CLCN3: variants seen among roughly 807,000 people sequenced by gnomAD.
CLCN3 encodes the protein H(+)/Cl(-) exchange transporter 3.
CLCN3 carries 16 observed loss-of-function variants against 83.4 expected under a neutral mutation model. The observed-to-expected ratio is 0.19, with a 90% CI of 0.13 to 0.29. CLCN3 has a LOEUF of 0.29. Ranked by LOEUF, CLCN3 falls within the 10% of genes least tolerant of loss-of-function variation. The probability of loss-of-function intolerance (pLI) is 1.00; values close to 1 mark genes in which losing one functional copy is unlikely to be tolerated. For synonymous variants in CLCN3, 322 were observed against 346.2 expected, an observed-to-expected ratio of 0.93 and a Z score of 0.78; for missense variants, 544 against 1,006.0, an observed-to-expected ratio of 0.54 and a Z score of 6.21.
chr4:169,627,602 A>T (rs1349703957), intron 1 of CLCN3, among the ~76,000 whole-genome samples: 1 of 152,118 alleles, frequency 6.6e-6, no homozygotes, highest in African/African-American at 2.4e-5. Context: ...GACTCCAAAA[A>T]CTAGCTTTGA....
chr4:169,702,393 A>G (rs939475921), intron 9 of CLCN3, among the ~76,000 whole-genome samples: 1 of 152,218 alleles, frequency 6.6e-6, no homozygotes, highest in Non-Finnish European at 1.5e-5. Flanking sequence ...CATCTCCATC[A>G]GAGCTCTTGG....
chr4:169,680,200 A>G lies in CLCN3; in HGVS notation c.311A>G (p.His104Arg), dbSNP rs1365436406. The G allele has an allele frequency of 8.7e-6, 14 of 1,611,130 alleles. No individual in the cohort carries two copies. The highest frequency in any genetic ancestry group is 1.0e-5 in the Non-Finnish European group (12 of 1,178,786). Residue 104 changes from histidine (H) to arginine (R), a missense_variant, in exon 3 of 13, where the codon CAT becomes CGT. His to Arg is a conservative substitution (Grantham distance 29, BLOSUM62 0). Coordinates refer to ENST00000513761, the MANE Select transcript of CLCN3 (RefSeq NM_001829.4). ...VREKCKDRERHRRINSKKKES... is the reference protein window; with the variant it reads ...VREKCKDRERRRRINSKKKES... ...GAAAAATGTAAAGACAGAGAAAGGC[A>G]TAGACGGGTAAGTGTTTTTAGTAAA...
chr4:169,674,984 C>G (rs1196107442), intron 2 of CLCN3, among the ~76,000 whole-genome samples: 1 of 152,180 alleles, frequency 6.6e-6, no homozygotes, highest in African/African-American at 2.4e-5. Context: ...TCAATCTATC[C>G]GTCCTCCTCA....
At chr4:169,706,333 A>C (rs1159681259) in intron 10 of CLCN3, among the ~76,000 whole-genome samples, 3 of 152,232 alleles carry the variant, frequency 2.0e-5, no homozygotes, top group African/African-American at 7.2e-5. Context: ...CCTGGCCCAA[A>C]TAGTTTTCTG....
At chr4:169,713,005 A>T (rs1006498475) in intron 11 of CLCN3, 74 bp from the exon 12 acceptor site, 19 of 1,059,682 alleles carry the variant, frequency 1.8e-5, no homozygotes, top group South Asian at 2.8e-5. Context: ...AATTTTTTTT[A>T]TCTCTGAATA....
intron 2 of CLCN3, among the ~76,000 whole-genome samples, chr4:169,653,911 C>T (rs867773746): frequency 2.6e-5 from 4 of 152,102 alleles, no homozygotes; most frequent in African/African-American, 9.7e-5. Context: ...AAGGGTCCAC[C>T]TCCATGAAAC....
intron 1 of CLCN3, among the ~76,000 whole-genome samples, chr4:169,621,582 A>C (rs1773114099): frequency 6.6e-6 from 1 of 152,198 alleles, no homozygotes; most frequent in Non-Finnish European, 1.5e-5. Flanking sequence ...CATATTAGAA[A>C]CTGAGATTTC....
intron 1 of CLCN3, among the ~76,000 whole-genome samples, chr4:169,634,364 T>C (rs1239103314): frequency 2.0e-5 from 3 of 152,230 alleles, no homozygotes; most frequent in Non-Finnish European, 4.4e-5. Flanking sequence ...AATCTTAGCA[T>C]ACATGCTTTG....
chr4:169,666,985 C>G (rs1274018822), intron 2 of CLCN3, among the ~76,000 whole-genome samples: 1 of 152,154 alleles, frequency 6.6e-6, no homozygotes, highest in Non-Finnish European at 1.5e-5. Flanking sequence ...TAACAGTGGC[C>G]TCTACATGGG....
intron 2 of CLCN3, among the ~76,000 whole-genome samples, chr4:169,658,232 A>G (rs11727266): frequency 6.8e-6 from 1 of 147,998 alleles, no homozygotes; most frequent in Non-Finnish European, 1.5e-5. Flanking sequence ...AAATATAATT[A>G]TATAGATATA....
chr4:169,688,933 T>G, intron 4 of CLCN3, 110 bp from the exon 5 acceptor site: 1 of 785,788 alleles, frequency 1.3e-6, no homozygotes, highest in East Asian at 2.7e-5. Flanking sequence ...AGTTCATAAA[T>G]GACCCTTTAT....
At chr4:169,664,067 A>C (rs1731161175) in intron 2 of CLCN3, among the ~76,000 whole-genome samples, 1 of 152,186 alleles carries the variant, frequency 6.6e-6, no homozygotes, top group African/African-American at 2.4e-5. Context: ...AAAATGAGTA[A>C]ATGCGATAAC....
chr4:169,666,854 C>T (rs1368540599), intron 2 of CLCN3, among the ~76,000 whole-genome samples: 8 of 152,130 alleles, frequency 5.3e-5, no homozygotes, highest in Non-Finnish European at 7.4e-5. Context: ...ATATCTGTCA[C>T]ATTGTGTTGT....
chr4:169,719,072 T>A (rs1733533840), intron 12 of CLCN3, among the ~76,000 whole-genome samples: 1 of 152,250 alleles, frequency 6.6e-6, no homozygotes, highest in South Asian at 2.1e-4. Context: ...GCTGACCATT[T>A]TATATGCATT....
At chr4:169,693,651 C>T (rs367666809) in intron 7 of CLCN3, among the ~76,000 whole-genome samples, 15 of 152,298 alleles carry the variant, frequency 9.8e-5, no homozygotes, top group Admixed American at 8.5e-4. Context: ...CATCCTGTAG[C>T]GTAGCAAGTT....
chr4:169,675,927 T>TGTCTCTTA (rs533797600), intron 2 of CLCN3, among the ~76,000 whole-genome samples: 3 of 152,224 alleles, frequency 2.0e-5, no homozygotes, highest in Non-Finnish European at 4.4e-5. Context: ...TTTTCATAGC[T>TGTCTCTTA]GTCTCTATGG....
intron 2 of CLCN3, among the ~76,000 whole-genome samples, chr4:169,640,803 T>C (rs879793228): frequency 6.6e-6 from 1 of 152,210 alleles, no homozygotes; most frequent in African/African-American, 2.4e-5. Context: ...CTATCTTCAC[T>C]TGAAGTAAGA....
At chr4:169,689,597 G>A (rs1732286853) in intron 5 of CLCN3, among the ~76,000 whole-genome samples, 2 of 152,152 alleles carry the variant, frequency 1.3e-5, no homozygotes, top group Non-Finnish European at 2.9e-5. Context: ...AAATAATTTA[G>A]TAAAATCAAC....
intron 2 of CLCN3, among the ~76,000 whole-genome samples, chr4:169,638,094 T>C (rs548402240): frequency 1.3e-5 from 2 of 152,318 alleles, no homozygotes; most frequent in Admixed American, 1.3e-4. Flanking sequence ...TCTATTTGTT[T>C]TCTGTTTGTC....
Sources: gnomAD v4.1 joint callset for allele counts (sites outside exome capture counted in the v4.1 genomes callset) on GRCh38, gnomAD v4.1.1 for gene constraint, MANE v1.5 for transcripts, NCBI Gene and HGNC (gene_info 2026-07-23, HGNC 2026-07-21) for gene names.